The following SPTB variants were observed in gnomAD, a reference collection of about 807,000 sequenced individuals.
SPTB encodes spectrin beta chain, erythrocytic.
In SPTB, 45 loss-of-function variants were observed where a neutral mutation model predicts 256.2. That is an observed-to-expected ratio of 0.18 (90% confidence interval 0.14 to 0.23). The LOEUF (loss-of-function observed/expected upper bound fraction) is 0.23, where lower values mean the gene tolerates loss of function less well. Among genes scored for constraint, SPTB ranks in the 10% least tolerant of loss-of-function variants. SPTB has a pLI of 1.00. For synonymous variants in SPTB, 1,231 were observed against 1,243.1 expected, an observed-to-expected ratio of 0.99 and a Z score of 0.21; for missense variants, 2,715 against 3,040.4, an observed-to-expected ratio of 0.89 and a Z score of 2.52.
At chr14:64,850,298 G>C (rs959030465) in intron 1 of SPTB, among the ~76,000 whole-genome samples, 1 of 152,154 alleles carries the variant, frequency 6.6e-6, no homozygotes, top group Non-Finnish European at 1.5e-5. Flanking sequence ...GGAGTGGTAG[G>C]ATAAGGGCCT....
rs1200974381 is a variant in SPTB at position 64,785,737 on chromosome 14, G to A, written c.3764+12C>T. 2 of 1,614,092 alleles carry A rather than the reference G, an allele frequency of 1.2e-6. No homozygotes were observed. Among genetic ancestry groups the A allele is most frequent in the East Asian group, 2.2e-5 (1 of 44,870 alleles). On this transcript the variant is annotated intron_variant, in intron 17 of 35. Coordinates refer to ENST00000644917, the MANE Select transcript of SPTB (RefSeq NM_001355436.2). The surrounding 1 kb of genome is among the most constrained non-coding windows in gnomAD (Gnocchi z 4.4). ...GCTCTGGGGGCCTCGTGGCCCTGGG[G>A]CCCGGGAGTACCTGTCCTCAATCAG...
rs886050622 is a variant in SPTB, at chr14:64,793,658, G to A, written c.2005C>T (p.Leu669=). 19 of 1,614,050 alleles carry A rather than the reference G, an allele frequency of 1.2e-5. No homozygotes were observed. In the East Asian group the frequency reaches 4.2e-4, roughly 36 times the overall value. ...CGCTGTAAGATGAGCACACTGGTCA[G>A]GTCTTTGCCATAGTCCAGGGAAGAA... ...IYSSLDYGKD[L]TSVLILQRKH... is the part of the protein sequence containing the mutation. The change falls in exon 14 of 36, where the codon CTG becomes TTG. Residue 669 remains leucine, a synonymous_variant. Coordinates refer to ENST00000644917, the MANE Select transcript of SPTB (RefSeq NM_001355436.2). This position sits in a 1 kb window ranked among gnomAD's most constrained non-coding sequence, Gnocchi z 7.0.
Position 64,805,029 on chromosome 14 carries a change from T to C in SPTB, c.210A>G (p.Arg70=). ...FTKWVNSHLA[R]VSCRITDLYK... The stretch of plus-strand genomic sequence containing the variant: ...AGAGATCGGTGATGCGGCAGGACAC[T>C]CGAGCCAGGTGCGAGTTCACCCATT... Residue 70 remains arginine, a synonymous_variant, in exon 3 of 36, where the codon CGA becomes CGG. Coordinates refer to ENST00000644917, the MANE Select transcript of SPTB (RefSeq NM_001355436.2). The C allele has an allele frequency of 1.2e-6, 2 of 1,613,452 alleles. No individual in the cohort carries two copies. The highest frequency in any genetic ancestry group is 1.7e-6 in the Non-Finnish European group (2 of 1,179,798).
rs146399174 is a variant in SPTB, at chr14:64,778,948, G to A, written c.4563+209C>T. On this transcript the variant is annotated intron_variant, in intron 22 of 35. Coordinates refer to ENST00000644917, the MANE Select transcript of SPTB (RefSeq NM_001355436.2). The surrounding 1 kb of genome is among the most constrained non-coding windows in gnomAD (Gnocchi z 5.2). ...AATCCCCAACTACCTCCCCTCCTCT[G>A]TGATCCTCCCAGAATTTGCTCTGTA... Among the ~76,000 whole-genome samples the A allele has an allele frequency of 6.6e-6, 1 of 152,116 alleles. No homozygotes were observed. Among genetic ancestry groups the A allele is most frequent in the Non-Finnish European group, 1.5e-5 (1 of 67,998 alleles).
rs1382289922 is a variant in SPTB at position 64,797,834 on chromosome 14, C to G, written c.1077G>C (p.Lys359Asn). ...TAAAAAGTAGAACTTCCAGATTCCC[C>G]TTCTCTTGAAACCTGTCAAGAAAAC... ...TVEKPPKFQE[K>N]GNLEVLLFTI... The change falls in exon 10 of 36, where the codon AAG becomes AAC. Residue 359 changes from lysine (K) to asparagine (N), a missense_variant. This residue lies in a region of SPTB where 416 missense variants were observed against 571.1 expected (regional missense o/e 0.73). Coordinates refer to ENST00000644917, the MANE Select transcript of SPTB (RefSeq NM_001355436.2). 2.5e-6 allele frequency: 4 copies of G among 1,613,814 alleles called. No individual in the cohort carries two copies. The highest frequency in any genetic ancestry group is 3.4e-6 in the Non-Finnish European group (4 of 1,179,688).
chr14:64,774,197 G>A (rs571154504), intron 24 of SPTB, among the ~76,000 whole-genome samples, 200 bp downstream of exon 24: 3 of 152,322 alleles, frequency 2.0e-5, no homozygotes, highest in Non-Finnish European at 4.4e-5. Context: ...GGGCCTCGAT[G>A]GCCCAGCTGG....
chr14:64,770,728 C>T (rs903157903), intron 27 of SPTB, among the ~76,000 whole-genome samples, 157 bp downstream of exon 27: 25 of 152,208 alleles, frequency 1.6e-4, no homozygotes, highest in African/African-American at 5.8e-4. Context: ...ATTTCTGCCT[C>T]GATCCAGCCT....
chr14:64,762,498 G>T (rs978430574), intron 32 of SPTB, among the ~76,000 whole-genome samples: 1 of 152,238 alleles, frequency 6.6e-6, no homozygotes, highest in Non-Finnish European at 1.5e-5. Flanking sequence ...CCAAGAGGTG[G>T]TCTTGGCTAC....
chr14:64,874,057 T>C lies in SPTB; in HGVS notation c.-52+5735A>G, dbSNP rs75629439. Among the ~76,000 whole-genome samples the C allele has an allele frequency of 1.6e-3, 249 of 152,288 alleles. 3 individuals carry two copies. Among genetic ancestry groups the C allele is most frequent in the African/African-American group, 5.9e-3 (245 of 41,550 alleles). On this transcript the variant is annotated intron_variant, in intron 1 of 35. Transcript: ENST00000644917. ...ACAAAGATTTCATCACACCCCTTTA[T>C]GACTTAAAAACTTCCAGTGGCTCAA...
chr14:64,767,456 A>G, intron 30 of SPTB, 104 bp from the exon 31 acceptor site: 1 of 1,501,006 alleles, frequency 6.7e-7, no homozygotes, highest in Non-Finnish European at 9.2e-7. Flanking sequence ...ATGCCCTGAC[A>G]CTTGTTCCTT....
chr14:64,771,271 G>A, intron 26 of SPTB, 142 bp from the exon 27 acceptor site: 6 of 1,313,170 alleles, frequency 4.6e-6, no homozygotes, highest in Non-Finnish European at 6.5e-6. Context: ...CCTCCACCCA[G>A]TGGGTGCTGT....
At position 64,749,637 on chromosome 14, in the gene SPTB, A is replaced by C; in HGVS notation, c.6819+17T>G. 1 of 1,613,450 alleles carries C rather than the reference A, an allele frequency of 6.2e-7. No individual in the cohort carries two copies. The highest frequency in any genetic ancestry group is 8.5e-7 in the Non-Finnish European group (1 of 1,179,896). ...CCCCCTTCTTAGCCAGGTCTGGGCT[A>C]GGCTGCCCGCGCTTACCTCATCCTT... On this transcript the variant is annotated intron_variant, in intron 35 of 35. Coordinates refer to ENST00000644917, the MANE Select transcript of SPTB (RefSeq NM_001355436.2). The surrounding 1 kb of genome is among the most constrained non-coding windows in gnomAD (Gnocchi z 4.7).
intron 2 of SPTB, among the ~76,000 whole-genome samples, chr14:64,821,921 G>A (rs149190736): frequency 6.6e-6 from 1 of 152,318 alleles, no homozygotes; most frequent in Non-Finnish European, 1.5e-5. Context: ...GCCAGGGACT[G>A]TGGTATCTGG....
intron 33 of SPTB, among the ~76,000 whole-genome samples, chr14:64,751,746 G>A (rs936100184): frequency 6.6e-6 from 1 of 152,094 alleles, no homozygotes; most frequent in African/African-American, 2.4e-5. Flanking sequence ...TTGATGAGAT[G>A]TGCCAAGTAT....
Position 64,785,117 on chromosome 14 carries a change from G to T in SPTB, c.3855+420C>A, listed in dbSNP as rs2139558903. On this transcript the variant is annotated intron_variant, in intron 18 of 35. Transcript: ENST00000644917. The surrounding 1 kb of genome is among the most constrained non-coding windows in gnomAD (Gnocchi z 4.4). ...CCAGGACTGGCTCCATAATTTGCAG[G>T]GCCCAGTACAAAATGGAGTTGTTCA... 6.6e-6 allele frequency among the ~76,000 whole-genome samples: 1 copy of T among 152,268 alleles called. No individual in the cohort carries two copies. The highest frequency in any genetic ancestry group is 1.9e-4 in the East Asian group (1 of 5,178).
intron 1 of SPTB, among the ~76,000 whole-genome samples, chr14:64,856,217 T>G (rs908322438): frequency 2.6e-5 from 4 of 152,226 alleles, no homozygotes; most frequent in Non-Finnish European, 5.9e-5. Context: ...TCCAGGAATC[T>G]CGCTTCAGTT....
chr14:64,772,463 G>A lies in SPTB; in HGVS notation c.5553+117C>T. On this transcript the variant is annotated intron_variant, in intron 26 of 35. Coordinates refer to ENST00000644917, the MANE Select transcript of SPTB (RefSeq NM_001355436.2). The surrounding 1 kb of genome is among the most constrained non-coding windows in gnomAD (Gnocchi z 5.4). ...CAGCCCTGAGCTCCTGGCTGTCTAA[G>A]GAGGCAAAACCTCCTGGCACTTATC... 7.1e-7 allele frequency: 1 copy of A among 1,416,784 alleles called. No homozygotes were observed. The highest frequency in any genetic ancestry group is 9.5e-7 in the Non-Finnish European group (1 of 1,054,042). 87.8% of individuals were successfully genotyped at this position (1,416,784 alleles called of 1,614,324 possible).
chr14:64,877,826 A>C (rs1212220970), intron 1 of SPTB, among the ~76,000 whole-genome samples: 1 of 152,230 alleles, frequency 6.6e-6, no homozygotes, highest in African/African-American at 2.4e-5. Context: ...GCCAAATGTG[A>C]TCCCAGGTAG....
chr14:64,834,842 A>G (rs576102375), intron 1 of SPTB, among the ~76,000 whole-genome samples: 3 of 152,384 alleles, frequency 2.0e-5, no homozygotes, highest in African/African-American at 7.2e-5. Context: ...TCTTCCAGAC[A>G]GGGAAGCCCT....
Sources: allele counts gnomAD v4.1 joint callset (sites outside exome capture counted in the v4.1 genomes callset), GRCh38; gene constraint gnomAD v4.1.1; regional missense constraint gnomAD v4.1.1; non-coding constraint Gnocchi (gnomAD v3.1); transcripts MANE v1.5; gene names NCBI Gene and HGNC (gene_info 2026-07-23, HGNC 2026-07-21).